CACNA1C: variants seen among roughly 807,000 people sequenced by gnomAD.
The protein encoded by CACNA1C is voltage-dependent L-type calcium channel subunit alpha-1C.
Under a neutral mutation model 229.0 loss-of-function variants are expected in CACNA1C, and 30 were observed. The observed-to-expected ratio is 0.13, with a 90% CI of 0.10 to 0.18. The LOEUF is 0.18. Ranked by LOEUF, CACNA1C falls within the 10% of genes least tolerant of loss-of-function variation. The probability of loss-of-function intolerance (pLI) is 1.00; values close to 1 mark genes in which losing one functional copy is unlikely to be tolerated. For synonymous variants in CACNA1C, 1,114 were observed against 1,132.5 expected (o/e 0.98, Z 0.33); for missense variants, 1,658 against 2,845.0 (o/e 0.58, Z 9.49).
At chr12:2,505,245 C>T (rs961581410) in intron 8 of CACNA1C, among the ~76,000 whole-genome samples, 13 of 152,098 alleles carry the variant, frequency 8.5e-5, no homozygotes, top group Admixed American at 2.6e-4. Flanking sequence ...TTCGTGGCCT[C>T]TGGTGAACAG....
chr12:2,007,970 AC>A (rs1184352045), intron 1 of CACNA1C, among the ~76,000 whole-genome samples: 5 of 152,222 alleles, frequency 3.3e-5, no homozygotes, highest in African/African-American at 1.2e-4. Flanking sequence ...CTAAAAAAAA[AC>A]AGTCATTGTA....
At chr12:2,625,391 G>A (rs2085800606) in intron 29 of CACNA1C, among the ~76,000 whole-genome samples, 1 of 152,232 alleles carries the variant, frequency 6.6e-6, no homozygotes, top group African/African-American at 2.4e-5. Context: ...CTGGTAGGAA[G>A]AAGAGGGATT....
intron 3 of CACNA1C, among the ~76,000 whole-genome samples, chr12:2,124,178 C>T (rs1254743625): frequency 6.6e-6 from 1 of 151,198 alleles, no homozygotes; most frequent in Non-Finnish European, 1.5e-5. Context: ...TCTATACCAA[C>T]AGATAGGCAC....
intron 3 of CACNA1C, among the ~76,000 whole-genome samples, chr12:2,405,067 C>T (rs1158968405): frequency 1.3e-5 from 2 of 152,162 alleles, no homozygotes; most frequent in South Asian, 2.1e-4. Context: ...GAGGATAACT[C>T]GGCTACTCCC....
chr12:2,169,688 T>C (rs2096396051), intron 3 of CACNA1C, among the ~76,000 whole-genome samples: 1 of 152,222 alleles, frequency 6.6e-6, no homozygotes, highest in South Asian at 2.1e-4. Flanking sequence ...CTCTGTTTGT[T>C]GGTTCTGGTG....
chr12:2,474,677 AC>A (rs1224101660), intron 5 of CACNA1C, among the ~76,000 whole-genome samples: 1 of 150,750 alleles, frequency 6.6e-6, no homozygotes, highest in Non-Finnish European at 1.5e-5. Context: ...AATCACTTGA[AC>A]CTGGGAGGCG....
Position 2,653,801 on chromosome 12 carries a change from C to T in CACNA1C, c.4075-34C>T. On this transcript the variant is annotated intron_variant, in intron 32 of 46. Transcript: ENST00000399655. The surrounding 1 kb of genome is among the most constrained non-coding windows in gnomAD (Gnocchi z 4.7). The stretch of plus-strand genomic sequence containing the variant: ...AGGGGCCCAGCTGGCCTCTGCACTC[C>T]AGCCTCATGGGAGTCTCCTGCACTT... 6.2e-7 allele frequency: 1 copy of T among 1,602,544 alleles called. No homozygotes were observed.
In CACNA1C at chr12:2,693,420, C is replaced by T. The variant is rs2097808729; in HGVS notation, c.*2221C>T. ...GGAGGATAAAATTAAAGTCAGGCTG[C>T]TTGGAGGGAGGGGCATCCTCACTTC... On this transcript the variant is annotated 3_prime_UTR_variant, in exon 47 of 47. Coordinates refer to ENST00000399655, the MANE Select transcript of CACNA1C (RefSeq NM_000719.7). 6.6e-6 allele frequency: 1 copy of T among 152,188 alleles called. No individual in the cohort carries two copies. Among genetic ancestry groups the T allele is most frequent in the Non-Finnish European group, 1.5e-5 (1 of 68,038 alleles). The allele number at this position is 152,188 out of a possible 1,614,324, so 9.4% of individuals were successfully genotyped here. A position where few individuals can be genotyped will look rare whatever the true frequency, so the allele number is the denominator to read the frequency against.
At chr12:2,607,995 G>A (rs2076118868) in intron 26 of CACNA1C, 2 of 152,900 alleles carry the variant, frequency 1.3e-5, no homozygotes, top group South Asian at 2.1e-4. Flanking sequence ...TCAAATGAAT[G>A]GCATATGTAT....
At chr12:2,439,866 CCTT>C (rs1471214174) in intron 3 of CACNA1C, among the ~76,000 whole-genome samples, 3 of 152,146 alleles carry the variant, frequency 2.0e-5, no homozygotes, top group Admixed American at 6.5e-5. Context: ...TTTTCCCTGT[CCTT>C]CTGCTTTACA....
At chr12:2,468,365 A>G (rs2099571117) in intron 5 of CACNA1C, among the ~76,000 whole-genome samples, 1 of 152,268 alleles carries the variant, frequency 6.6e-6, no homozygotes, top group Admixed American at 6.5e-5. Flanking sequence ...GGTTACCTCC[A>G]ACTACAAGCA....
intron 11 of CACNA1C, among the ~76,000 whole-genome samples, chr12:2,562,183 G>A (rs759662176): frequency 2.6e-5 from 4 of 151,438 alleles, no homozygotes; most frequent in Non-Finnish European, 4.4e-5. Context: ...AGGGGTCTGT[G>A]CAGAGCAGCT....
intron 3 of CACNA1C, among the ~76,000 whole-genome samples, chr12:2,439,251 C>G (rs2099190955): frequency 6.6e-6 from 1 of 152,170 alleles, no homozygotes; most frequent in Admixed American, 6.5e-5. Flanking sequence ...CTCTCAACTC[C>G]AAGAGGGTGA....
At chr12:2,011,845 G>A (rs149977833) in intron 1 of CACNA1C, among the ~76,000 whole-genome samples, 1 of 152,206 alleles carries the variant, frequency 6.6e-6, no homozygotes, top group African/African-American at 2.4e-5. Context: ...CATCCTGTAG[G>A]TGGCTTCCTG....
At chr12:2,304,611 C>T (rs565044759) in intron 3 of CACNA1C, among the ~76,000 whole-genome samples, 2 of 152,014 alleles carry the variant, frequency 1.3e-5, no homozygotes, top group South Asian at 2.1e-4. Flanking sequence ...GCCCCTGCCT[C>T]CTCCTCTCTG....
At chr12:2,056,206 T>A (rs1178509543) in intron 1 of CACNA1C, among the ~76,000 whole-genome samples, 2 of 50,826 alleles carry the variant, frequency 3.9e-5, no homozygotes, top group Non-Finnish European at 3.2e-5. Context: ...AGTGTGTGTG[T>A]GTGTGTGTGT....
At chr12:1,983,522 G>A (rs886431351) in intron 1 of CACNA1C, among the ~76,000 whole-genome samples, 38 of 151,630 alleles carry the variant, frequency 2.5e-4, no homozygotes, top group African/African-American at 9.0e-4. Flanking sequence ...CAAATATTTG[G>A]GGATATTCCA....
At chr12:2,507,211 G>A (rs781489884) in intron 8 of CACNA1C, among the ~76,000 whole-genome samples, 58 of 152,280 alleles carry the variant, frequency 3.8e-4, no homozygotes, top group Non-Finnish European at 7.2e-4. Flanking sequence ...GAGAGCTGCC[G>A]TCTGCTCCTT....
At chr12:1,993,627 G>GGTGTGTGTGT (rs150056084) in intron 1 of CACNA1C, among the ~76,000 whole-genome samples, 42,983 of 146,406 alleles carry the variant, frequency 0.29, 6,521 homozygotes, top group East Asian at 0.59. Flanking sequence ...CTTCATTTGT[G>GGTGTGTGTGT]GTGTGTGTGT....
Sources: allele counts gnomAD v4.1 joint callset (sites outside exome capture counted in the v4.1 genomes callset), GRCh38; gene constraint gnomAD v4.1.1; non-coding constraint Gnocchi (gnomAD v3.1); transcripts MANE v1.5; gene names NCBI Gene and HGNC (gene_info 2026-07-23, HGNC 2026-07-21).